The following MTHFD2L variants were observed in gnomAD, a reference collection of about 807,000 sequenced individuals.
MTHFD2L encodes the protein methylenetetrahydrofolate dehydrogenase (NADP+ dependent) 2 like.
A neutral mutation model predicts 34.9 loss-of-function variants in MTHFD2L; 29 were observed. That is an observed-to-expected ratio of 0.83 (90% CI 0.62 to 1.13). MTHFD2L has a LOEUF of 1.13. Ranked by LOEUF, MTHFD2L falls within the 50% of genes most tolerant of loss-of-function variation. The pLI is 0.00. For synonymous variants in MTHFD2L, 167 were observed against 155.7 expected, an observed-to-expected ratio of 1.07 and a Z score of -0.54; for missense variants, 481 against 446.5, an observed-to-expected ratio of 1.08 and a Z score of -0.70.
intron 3 of MTHFD2L, among the ~76,000 whole-genome samples, chr4:74,189,485 C>CCCTTTTTTTTTTT (rs1168720652): frequency 8.3e-6 from 1 of 119,824 alleles, no homozygotes; most frequent in South Asian, 2.7e-4. Flanking sequence ...GTTTTTCTTC[C>CCCTTTTTTTTTTT]TTTTTTTTTT....
chr4:74,121,037 T>G (rs1405108382), upstream of MTHFD2L, among the ~76,000 whole-genome samples: 1 of 152,208 alleles, frequency 6.6e-6, no homozygotes, highest in Non-Finnish European at 1.5e-5. Flanking sequence ...AAGTGAACAG[T>G]GAGATTTTTG....
intron 6 of MTHFD2L, among the ~76,000 whole-genome samples, chr4:74,274,018 T>C (rs1002316800): frequency 6.6e-6 from 1 of 151,706 alleles, no homozygotes; most frequent in Admixed American, 6.6e-5. Context: ...TTTGATTTTT[T>C]TTTTCTTTTT....
chr4:74,245,879 G>A (rs1444238564), intron 6 of MTHFD2L, among the ~76,000 whole-genome samples: 3 of 150,816 alleles, frequency 2.0e-5, no homozygotes, highest in East Asian at 1.9e-4. Context: ...GTCTATCATT[G>A]TTGGACATTT....
At chr4:74,124,422 T>C (rs904886474), upstream of MTHFD2L, among the ~76,000 whole-genome samples, 2 of 151,670 alleles carry the variant, frequency 1.3e-5, no homozygotes, top group African/African-American at 2.4e-5. Context: ...CAAAATCAAA[T>C]AGAAGAATGG....
At chr4:74,126,325 T>C (rs1036990793) in intron 1 of MTHFD2L, among the ~76,000 whole-genome samples, 5 of 152,124 alleles carry the variant, frequency 3.3e-5, no homozygotes, top group Non-Finnish European at 2.9e-5. Flanking sequence ...CACTGAAATA[T>C]ATGTGAACTA....
intron 1 of MTHFD2L, chr4:74,140,318 A>T (rs1578245167): frequency 6.1e-6 from 1 of 163,030 alleles, no homozygotes; most frequent in South Asian, 2.0e-4. Context: ...AGAGAAAAAT[A>T]TAAAAGATAA....
chr4:74,147,120 T>C (rs2109847989), intron 1 of MTHFD2L, among the ~76,000 whole-genome samples: 2 of 152,302 alleles, frequency 1.3e-5, no homozygotes, highest in South Asian at 4.1e-4. Flanking sequence ...ATCTATGTAT[T>C]TGCATTGAAG....
chr4:74,129,367 A>G (rs1237004348), intron 1 of MTHFD2L, among the ~76,000 whole-genome samples: 2 of 152,172 alleles, frequency 1.3e-5, no homozygotes, highest in Non-Finnish European at 2.9e-5. Flanking sequence ...AGCAAATGCA[A>G]AAGAACAGTA....
intron 1 of MTHFD2L, among the ~76,000 whole-genome samples, chr4:74,140,056 C>A (rs1444748264): frequency 6.6e-6 from 1 of 152,024 alleles, no homozygotes; most frequent in African/African-American, 2.4e-5. Flanking sequence ...TGGCTCATGC[C>A]CATAATTCTA....
At chr4:74,291,371 G>A (rs1281362840) in intron 7 of MTHFD2L, among the ~76,000 whole-genome samples, 1 of 151,746 alleles carries the variant, frequency 6.6e-6, no homozygotes, top group East Asian at 1.9e-4. Flanking sequence ...TCAGACCACT[G>A]TTTATTTGTA....
chr4:74,187,726 C>T (rs914664637), intron 3 of MTHFD2L, among the ~76,000 whole-genome samples: 3 of 129,640 alleles, frequency 2.3e-5, no homozygotes, highest in South Asian at 5.0e-4. Flanking sequence ...TATCTTAAAA[C>T]GTTAAATACA....
intron 7 of MTHFD2L, chr4:74,293,613 C>CGAAA: frequency 4.1e-6 from 3 of 736,138 alleles, no homozygotes; most frequent in Non-Finnish European, 5.0e-6. Context: ...TCCTGGTTGC[C>CGAAA]TTCCAAGTTC....
chr4:74,275,417 G>A (rs759134680), intron 6 of MTHFD2L, among the ~76,000 whole-genome samples: 32 of 152,118 alleles, frequency 2.1e-4, no homozygotes, highest in South Asian at 1.9e-3. Flanking sequence ...ATGTGTGCAT[G>A]TGTCTTTATG....
chr4:74,249,403 A>G lies in MTHFD2L; in HGVS notation c.805+24009A>G, dbSNP rs1480109480. ...TGCACATGAAATGGGTTTCCTGAAT[A>G]CAGCACACTGATGGGTCTTGACTCT... On this transcript the variant is annotated intron_variant, in intron 6 of 7. Transcript: ENST00000325278. Among the ~76,000 whole-genome samples the G allele has an allele frequency of 2.6e-5, 4 of 152,164 alleles. No individual in the cohort carries two copies. The South Asian group carries it at 8.3e-4, about 32-fold the overall frequency.
At chr4:74,237,329 TG>T (rs1740996056) in intron 6 of MTHFD2L, among the ~76,000 whole-genome samples, 4 of 152,176 alleles carry the variant, frequency 2.6e-5, no homozygotes, top group Admixed American at 2.6e-4. Context: ...CCCTGTTCAA[TG>T]AATGAATTCC....
chr4:74,297,904 C>T (rs572530234), intron 7 of MTHFD2L, among the ~76,000 whole-genome samples: 1 of 152,212 alleles, frequency 6.6e-6, no homozygotes, highest in Non-Finnish European at 1.5e-5. Context: ...CATCTGTATC[C>T]ACTGGCACTT....
chr4:74,138,723 T>G (rs781777952), intron 1 of MTHFD2L, among the ~76,000 whole-genome samples: 1 of 151,900 alleles, frequency 6.6e-6, no homozygotes. Flanking sequence ...TCAGCTCGAG[T>G]GTAAGAAACA....
At position 74,283,272 on chromosome 4, in the gene MTHFD2L, T is replaced by G. The variant is rs1303692275; in HGVS notation, c.931+1722T>G. ...TCATGTCACTTCCATGCTTTCTTCT[T>G]TTTTAAGTAAGAATGTTTTTTACTG... On this transcript the variant is annotated intron_variant, in intron 7 of 7. Transcript: ENST00000325278. Among the ~76,000 whole-genome samples, 5 of 152,180 alleles carry G rather than the reference T, an allele frequency of 3.3e-5. No individual in the cohort carries two copies. In the East Asian group the frequency reaches 9.6e-4, roughly 29 times the overall value.
chr4:74,184,476 A>C (rs1001645782), intron 3 of MTHFD2L, among the ~76,000 whole-genome samples: 1 of 152,202 alleles, frequency 6.6e-6, no homozygotes, highest in Non-Finnish European at 1.5e-5. Flanking sequence ...GTAAATAACA[A>C]CCTTAATATC....
Sources: allele counts gnomAD v4.1 joint callset (sites outside exome capture counted in the v4.1 genomes callset), GRCh38; gene constraint gnomAD v4.1.1; transcripts MANE v1.5; gene names NCBI Gene and HGNC (gene_info 2026-07-23, HGNC 2026-07-21).